SHF: variants seen among roughly 807,000 people sequenced by gnomAD.
The protein encoded by SHF is Src homology 2 domain containing F.
Under a neutral mutation model 42.4 loss-of-function variants are expected in SHF, and 30 were observed. The observed-to-expected ratio is 0.71, with a 90% CI of 0.53 to 0.96. The LOEUF (loss-of-function observed/expected upper bound fraction) is 0.96. SHF is among the 40% of genes least tolerant of loss of function. The pLI, the probability that SHF is intolerant of heterozygous loss-of-function variation, is 0.00. For missense variants in SHF, 598 were observed against 634.0 expected, an observed-to-expected ratio of 0.94 and a Z score of 0.61; for synonymous variants, 264 against 269.9, an observed-to-expected ratio of 0.98 and a Z score of 0.21.
In SHF at chr15:45,175,392, G is replaced by A; in HGVS notation, c.674C>T (p.Pro225Leu). ...IRGSKETATQ[P>L]LPLYDTPYEP... ...ATAGGGTGTGTCATACAGAGGCAAG[G>A]GCTGAGTTGCTGTCTCCTTGGAGCC... Residue 225 changes from proline (P) to leucine (L), a missense_variant, in exon 3 of 7, where the codon CCC becomes CTC. Pro to Leu is a moderately conservative substitution (Grantham distance 98). This residue lies in a region of SHF where 439 missense variants were observed against 524.6 expected (regional missense o/e 0.84). Transcript: ENST00000690270. 6.9e-6 allele frequency: 11 copies of A among 1,593,512 alleles called. No homozygotes were observed. Among genetic ancestry groups the A allele is most frequent in the Non-Finnish European group, 9.4e-6 (11 of 1,169,938 alleles).
upstream of SHF, chr15:45,187,973 G>A (rs1190537007): frequency 6.0e-6 from 7 of 1,162,400 alleles, no homozygotes; most frequent in South Asian, 4.4e-5. Context: ...GACTGAGCGA[G>A]GGGAGCGCAG....
chr15:45,179,186 T>A (rs1897991335), intron 1 of SHF, among the ~76,000 whole-genome samples: 1 of 152,236 alleles, frequency 6.6e-6, no homozygotes, highest in South Asian at 2.1e-4. Flanking sequence ...AACATCCCTG[T>A]CATGTGGGTA....
At chr15:45,187,006 C>T (rs1230885793) in intron 1 of SHF, among the ~76,000 whole-genome samples, 4 of 152,198 alleles carry the variant, frequency 2.6e-5, no homozygotes, top group African/African-American at 7.2e-5. Flanking sequence ...AAAGAGGCAA[C>T]AGGAGGGAAG....
intron 2 of SHF, among the ~76,000 whole-genome samples, chr15:45,195,008 T>A (rs1898824269): frequency 6.6e-6 from 1 of 152,010 alleles, no homozygotes; most frequent in Non-Finnish European, 1.5e-5. Flanking sequence ...ATTTTGATTT[T>A]TTTTGCAGAG....
intron 2 of SHF, among the ~76,000 whole-genome samples, chr15:45,194,305 A>G (rs1186105691): frequency 6.6e-6 from 1 of 151,860 alleles, no homozygotes; most frequent in Non-Finnish European, 1.5e-5. Context: ...ATTACCCAAA[A>G]TTTGACTATT....
intron 6 of SHF, chr15:45,171,217 C>T (rs1046144288): frequency 1.3e-5 from 2 of 153,636 alleles, no homozygotes; most frequent in African/African-American, 4.8e-5. Context: ...GCTGGCCATG[C>T]TACCAGGGAG....
intron 1 of SHF, among the ~76,000 whole-genome samples, chr15:45,179,576 A>G (rs912079269): frequency 2.6e-5 from 4 of 152,222 alleles, no homozygotes; most frequent in African/African-American, 9.6e-5. Flanking sequence ...CAAGGTGCTC[A>G]GGGCGGGGCG....
intron 1 of SHF, among the ~76,000 whole-genome samples, chr15:45,187,171 GC>G (rs1898463489): frequency 6.6e-6 from 1 of 152,204 alleles, no homozygotes; most frequent in South Asian, 2.1e-4. Context: ...GCTAGAGGGG[GC>G]TACGAAGTGG....
chr15:45,196,625 T>G (rs62026665), intron 2 of SHF, among the ~76,000 whole-genome samples: 10 of 151,732 alleles, frequency 6.6e-5, no homozygotes, highest in African/African-American at 2.4e-4. Context: ...AGGCCGGGCG[T>G]GGTGGCTCAC....
intron 2 of SHF, among the ~76,000 whole-genome samples, chr15:45,195,303 C>G (rs76031423): frequency 6.6e-6 from 1 of 152,132 alleles, no homozygotes; most frequent in East Asian, 1.9e-4. Context: ...GTGAGATTCT[C>G]AAAAGTAGAA....
chr15:45,192,882 T>C (rs560782335), upstream of SHF, among the ~76,000 whole-genome samples: 1 of 152,338 alleles, frequency 6.6e-6, no homozygotes, highest in Admixed American at 6.5e-5. Context: ...GGTTACACAT[T>C]TCTGAAAGGA....
intron 2 of SHF, among the ~76,000 whole-genome samples, chr15:45,197,398 A>G (rs1898900330): frequency 6.6e-6 from 1 of 152,214 alleles, no homozygotes; most frequent in South Asian, 2.1e-4. Context: ...ATGAGCTTGA[A>G]TTTTGAGTTT....
In SHF at chr15:45,187,826, GC is replaced by G. The variant is rs1408812107; in HGVS notation, c.125del (p.Gly42AlafsTer6). ...AGGAGAGPGG[G>X]GSGGVAKWLR... ...GCCACTTGGCTACTCCGCCGCTGCC[GC>G]CCCCTCCTGGGCCGGCTCCCGCACC... On this transcript the variant is annotated frameshift_variant, in exon 1 of 7. Transcript: ENST00000690270. LOFTEE classifies it high-confidence loss of function. 2 of 927,592 alleles carry G rather than the reference GC, an allele frequency of 2.2e-6. No homozygotes were observed. Among genetic ancestry groups the G allele is most frequent in the Non-Finnish European group, 2.8e-6 (2 of 720,028 alleles). The allele number at this position is 927,592 out of a possible 1,614,324, so 57.5% of individuals were successfully genotyped here. A position where few individuals can be genotyped will look rare whatever the true frequency, so the allele number is the denominator to read the frequency against.
chr15:45,197,852 G>A (rs1036684986), intron 2 of SHF, among the ~76,000 whole-genome samples: 6 of 151,650 alleles, frequency 4.0e-5, no homozygotes, highest in East Asian at 1.9e-4. Context: ...AAAAGAGAGC[G>A]GGCAAGCGAG....
chr15:45,201,104 G>A, exon 1 of SHF: 1 of 340,374 alleles, frequency 2.9e-6, no homozygotes. Context: ...ATCTAGACGA[G>A]AAGGGCAACA....
intron 2 of SHF, among the ~76,000 whole-genome samples, chr15:45,193,754 G>A (rs1022088682): frequency 1.3e-5 from 2 of 152,156 alleles, no homozygotes; most frequent in Non-Finnish European, 2.9e-5. Context: ...ACTTTGGGAG[G>A]CCGAGGCGAG....
chr15:45,171,811 G>A, intron 6 of SHF, 72 bp downstream of exon 6: 1 of 1,520,528 alleles, frequency 6.6e-7, no homozygotes, highest in East Asian at 2.3e-5. Flanking sequence ...AGCTTGGTTG[G>A]GCATAAGGGG....
At chr15:45,173,553 G>T in intron 4 of SHF, 23 bp downstream of exon 4, 2 of 1,476,358 alleles carry the variant, frequency 1.4e-6, no homozygotes, top group African/African-American at 1.4e-5. Context: ...TGTCACCCTG[G>T]CCAGAAGCCC....
intron 6 of SHF, among the ~76,000 whole-genome samples, chr15:45,168,530 G>A (rs80152124): frequency 0.041 from 6,234 of 152,244 alleles, 458 homozygotes; most frequent in African/African-American, 0.14. Flanking sequence ...TAGGACACCC[G>A]TGAGGGGCTC....
Sources: allele counts gnomAD v4.1 joint callset (sites outside exome capture counted in the v4.1 genomes callset), GRCh38; gene constraint gnomAD v4.1.1; regional missense constraint gnomAD v4.1.1; transcripts MANE v1.5; gene names NCBI Gene and HGNC (gene_info 2026-07-23, HGNC 2026-07-21).